UQCC1: variants seen among roughly 807,000 people sequenced by gnomAD.
The protein encoded by UQCC1 is ubiquinol-cytochrome c reductase complex assembly factor 1.
In UQCC1, 38 loss-of-function variants were observed where a neutral mutation model predicts 48.0. The ratio of observed to expected loss-of-function variants is 0.79; its 90% CI spans 0.61 to 1.04. UQCC1 has a LOEUF of 1.04. Ranked by LOEUF, UQCC1 falls within the 50% of genes least tolerant of loss-of-function variation. The pLI is 0.00. For missense variants in UQCC1, 368 were observed against 381.8 expected, an observed-to-expected ratio of 0.96 and a Z score of 0.30; for synonymous variants, 111 against 129.2, an observed-to-expected ratio of 0.86 and a Z score of 0.95.
intron 1 of UQCC1, among the ~76,000 whole-genome samples, chr20:35,407,375 T>A (rs186901138): frequency 7.6e-4 from 114 of 150,922 alleles, no homozygotes; most frequent in African/African-American, 2.6e-3. Context: ...CTGCAGTGAG[T>A]CTAGATTGTG....
intron 2 of UQCC1, among the ~76,000 whole-genome samples, chr20:35,391,393 G>T (rs1432839619): frequency 6.6e-6 from 1 of 152,120 alleles, no homozygotes; most frequent in Non-Finnish European, 1.5e-5. Context: ...AGGCCCACAG[G>T]GGTGGATCAC....
chr20:35,325,035 C>T (rs189485168), intron 7 of UQCC1, among the ~76,000 whole-genome samples: 7 of 152,260 alleles, frequency 4.6e-5, no homozygotes, highest in Non-Finnish European at 7.4e-5. Flanking sequence ...TATGCTATAA[C>T]ATGGATGGAC....
At chr20:35,397,316 C>T (rs1188506867) in intron 1 of UQCC1, among the ~76,000 whole-genome samples, 2 of 151,514 alleles carry the variant, frequency 1.3e-5, no homozygotes, top group Non-Finnish European at 2.9e-5. Flanking sequence ...GAGATCGAGA[C>T]CATCGTGGCT....
Position 35,314,611 on chromosome 20 carries a change from T to C in UQCC1, c.651+77A>G, listed in dbSNP as rs897271712. 2.0e-5 allele frequency: 25 copies of C among 1,257,000 alleles called. No homozygotes were observed. In the African/African-American group the frequency reaches 3.0e-4, roughly 15 times the overall value. The allele number at this position is 1,257,000 out of a possible 1,614,324, so 77.9% of individuals were successfully genotyped here. Reference sequence around the variant, plus strand: ...AGCCAGTAACAATGGTCCCTGTGGCTTCCCTCAGAGGCTCTCATCAAAAGC... The same window carrying C: ...AGCCAGTAACAATGGTCCCTGTGGCCTCCCTCAGAGGCTCTCATCAAAAGC... On this transcript the variant is annotated intron_variant, in intron 8 of 9. Transcript: ENST00000374385.
intron 6 of UQCC1, among the ~76,000 whole-genome samples, chr20:35,351,861 C>T (rs962583749): frequency 6.6e-6 from 1 of 152,226 alleles, no homozygotes; most frequent in Non-Finnish European, 1.5e-5. Context: ...AATGAAGACA[C>T]TTTCAAAATG....
intron 5 of UQCC1, among the ~76,000 whole-genome samples, chr20:35,371,126 C>A (rs920390990): frequency 3.3e-5 from 5 of 151,984 alleles, no homozygotes; most frequent in Non-Finnish European, 7.4e-5. Flanking sequence ...TAGTTTACAC[C>A]AGGCTATGAA....
intron 2 of UQCC1, among the ~76,000 whole-genome samples, chr20:35,385,836 T>A (rs900480911): frequency 6.6e-6 from 1 of 151,430 alleles, no homozygotes; most frequent in Non-Finnish European, 1.5e-5. Context: ...TTTTTTTTTT[T>A]AAATAGACTT....
chr20:35,369,597 TCTCA>T (rs2061706875), intron 5 of UQCC1, among the ~76,000 whole-genome samples: 2 of 152,200 alleles, frequency 1.3e-5, no homozygotes, highest in African/African-American at 4.8e-5. Context: ...TGACTCTACC[TCTCA>T]CTCACTATGT....
chr20:35,404,687 G>GA (rs1266831168), intron 1 of UQCC1, among the ~76,000 whole-genome samples: 3,969 of 99,292 alleles, frequency 0.04, 170 homozygotes, highest in East Asian at 0.19. Context: ...GCTTGACTCT[G>GA]AAAAAAAAAA....
At chr20:35,345,955 C>T (rs2061427418) in intron 7 of UQCC1, 1 of 152,076 alleles carries the variant, frequency 6.6e-6, no homozygotes, top group Non-Finnish European at 1.5e-5. Context: ...TCTAGATACA[C>T]AAAATACACA....
intron 7 of UQCC1, among the ~76,000 whole-genome samples, chr20:35,322,099 T>C (rs1232373850): frequency 6.6e-6 from 1 of 152,238 alleles, no homozygotes; most frequent in Non-Finnish European, 1.5e-5. Flanking sequence ...ACATTATAGC[T>C]ATAATCTACT....
At chr20:35,340,078 T>C (rs1368456525) in intron 7 of UQCC1, among the ~76,000 whole-genome samples, 3 of 152,128 alleles carry the variant, frequency 2.0e-5, no homozygotes, top group Admixed American at 6.5e-5. Context: ...TTACAGCACA[T>C]CATGGTAAGT....
chr20:35,323,526 C>T (rs2061156033), intron 7 of UQCC1, among the ~76,000 whole-genome samples: 1 of 152,160 alleles, frequency 6.6e-6, no homozygotes, highest in Admixed American at 6.5e-5. Context: ...TTTCTCCCCT[C>T]ATTTATTTTA....
intron 1 of UQCC1, among the ~76,000 whole-genome samples, chr20:35,404,596 T>C (rs1463436237): frequency 6.7e-6 from 1 of 149,544 alleles, no homozygotes; most frequent in Non-Finnish European, 1.5e-5. Flanking sequence ...CAGCACACCA[T>C]CATGGCACAT....
chr20:35,394,683 C>CA (rs1265029449), intron 1 of UQCC1, among the ~76,000 whole-genome samples: 1 of 152,138 alleles, frequency 6.6e-6, no homozygotes, highest in Non-Finnish European at 1.5e-5. Flanking sequence ...CTTCTGATAC[C>CA]AAATGTGCAG....
At chr20:35,358,589 T>C (rs963723433) in intron 6 of UQCC1, among the ~76,000 whole-genome samples, 9 of 152,076 alleles carry the variant, frequency 5.9e-5, no homozygotes, top group African/African-American at 1.9e-4. Context: ...CCTCCCAAGT[T>C]TGATGTGTCA....
At chr20:35,328,229 A>G (rs2061218624) in intron 7 of UQCC1, among the ~76,000 whole-genome samples, 1 of 152,160 alleles carries the variant, frequency 6.6e-6, no homozygotes, top group Non-Finnish European at 1.5e-5. Context: ...GACCTAGGAA[A>G]CGCACTGAAA....
intron 8 of UQCC1, among the ~76,000 whole-genome samples, chr20:35,312,322 A>G: frequency 6.6e-6 from 1 of 152,164 alleles, no homozygotes; most frequent in Non-Finnish European, 1.5e-5. Context: ...GTAATTCAGG[A>G]TATCCAGTAG....
chr20:35,332,555 C>T (rs1344857452), intron 7 of UQCC1, among the ~76,000 whole-genome samples: 1 of 152,218 alleles, frequency 6.6e-6, no homozygotes, highest in African/African-American at 2.4e-5. Flanking sequence ...TTAGTGACAG[C>T]TCTGCAGAGC....
Sources: gnomAD v4.1 joint callset for allele counts (sites outside exome capture counted in the v4.1 genomes callset) on GRCh38, gnomAD v4.1.1 for gene constraint, MANE v1.5 for transcripts, NCBI Gene and HGNC (gene_info 2026-07-23, HGNC 2026-07-21) for gene names.